CNTN1: variants seen among roughly 807,000 people sequenced by gnomAD.
CNTN1 encodes contactin 1.
In CNTN1, 38 loss-of-function variants were observed where a neutral mutation model predicts 126.4. The ratio of observed to expected loss-of-function variants is 0.30; its 90% CI spans 0.23 to 0.39. CNTN1 has a LOEUF of 0.39. Ranked by LOEUF, CNTN1 falls within the 10% of genes least tolerant of loss-of-function variation. The probability of loss-of-function intolerance (pLI) is 1.00; values close to 1 mark genes in which losing one functional copy is unlikely to be tolerated. For synonymous variants in CNTN1, 413 were observed against 422.6 expected, an observed-to-expected ratio of 0.98 and a Z score of 0.28; for missense variants, 1,009 against 1,248.4, an observed-to-expected ratio of 0.81 and a Z score of 2.89.
At chr12:41,014,162 C>A in intron 17 of CNTN1, 66 bp from the exon 18 acceptor site, 2 of 1,471,758 alleles carry the variant, frequency 1.4e-6, no homozygotes, top group Non-Finnish European at 1.9e-6. Context: ...AGAATTCTAA[C>A]ACCAGGAAAA....
Position 40,733,810 on chromosome 12 carries a change from T to C in CNTN1, c.-77+41218T>C, listed in dbSNP as rs906747880. ...GTCTCTGAAAGAGTACAGTCTTCAA[T>C]TGATCCTCACGTTTGTCAAGAACAC... On this transcript the variant is annotated intron_variant, in intron 1 of 23. Transcript: ENST00000551295. 8.5e-5 allele frequency among the ~76,000 whole-genome samples: 13 copies of C among 152,224 alleles called. 1 individual carries two copies. The highest frequency in any genetic ancestry group is 2.2e-4 in the African/African-American group (9 of 41,568).
intron 1 of CNTN1, among the ~76,000 whole-genome samples, chr12:40,714,957 T>C (rs1388382556): frequency 2.0e-5 from 3 of 152,256 alleles, no homozygotes; most frequent in East Asian, 1.9e-4. Context: ...CTGCAGTGGA[T>C]TGAAAAATTC....
intron 1 of CNTN1, among the ~76,000 whole-genome samples, chr12:40,737,799 A>C (rs1937762582): frequency 6.6e-6 from 1 of 152,006 alleles, no homozygotes; most frequent in Non-Finnish European, 1.5e-5. Context: ...TACTACCAAA[A>C]TCTGACAAAT....
At chr12:40,708,316 T>C (rs1478806119) in intron 1 of CNTN1, among the ~76,000 whole-genome samples, 2 of 152,260 alleles carry the variant, frequency 1.3e-5, no homozygotes, top group Admixed American at 1.3e-4. Flanking sequence ...ATTTCAATGC[T>C]TATAAAAGTG....
At chr12:40,888,403 C>G (rs138547220) in intron 1 of CNTN1, among the ~76,000 whole-genome samples, 1 of 151,778 alleles carries the variant, frequency 6.6e-6, no homozygotes, top group African/African-American at 2.4e-5. Flanking sequence ...TAAAATATGT[C>G]GAAAATAAAA....
intron 16 of CNTN1, among the ~76,000 whole-genome samples, chr12:40,989,804 G>C (rs1948056555): frequency 6.6e-6 from 1 of 152,056 alleles, no homozygotes; most frequent in Non-Finnish European, 1.5e-5. Context: ...ACAAATGATA[G>C]CTAGGAACAA....
chr12:40,941,819 T>C (rs550751660), intron 12 of CNTN1, among the ~76,000 whole-genome samples: 13 of 152,072 alleles, frequency 8.5e-5, no homozygotes, highest in Non-Finnish European at 1.8e-4. Context: ...ATCTATATCA[T>C]AGTATCTGGA....
chr12:40,820,817 G>A (rs1369636037), intron 1 of CNTN1, among the ~76,000 whole-genome samples: 1 of 152,156 alleles, frequency 6.6e-6, no homozygotes, highest in Non-Finnish European at 1.5e-5. Context: ...GATATCTCAG[G>A]TGTGCCATTC....
chr12:40,809,131 C>T (rs766909253), intron 1 of CNTN1, among the ~76,000 whole-genome samples: 4 of 152,082 alleles, frequency 2.6e-5, no homozygotes, highest in African/African-American at 9.7e-5. Context: ...TAAAGTAACA[C>T]TTTGTTCAGA....
intron 1 of CNTN1, among the ~76,000 whole-genome samples, chr12:40,728,526 C>T (rs1307308459): frequency 6.6e-6 from 1 of 152,102 alleles, no homozygotes; most frequent in African/African-American, 2.4e-5. Context: ...CTAGACCCTA[C>T]TTGTAAGGAC....
intron 1 of CNTN1, among the ~76,000 whole-genome samples, chr12:40,830,768 G>A (rs979457978): frequency 1.6e-5 from 2 of 128,074 alleles, no homozygotes; most frequent in African/African-American, 5.7e-5. Flanking sequence ...TATATATATT[G>A]AGAGAGAGGG....
At chr12:40,803,718 A>G (rs1014760947) in intron 1 of CNTN1, among the ~76,000 whole-genome samples, 6 of 151,898 alleles carry the variant, frequency 4.0e-5, no homozygotes, top group Admixed American at 6.6e-5. Flanking sequence ...AAGTTACAAG[A>G]GTAGATGAGA....
chr12:40,753,313 C>T (rs112923682), intron 1 of CNTN1, among the ~76,000 whole-genome samples: 5 of 152,062 alleles, frequency 3.3e-5, no homozygotes, highest in African/African-American at 1.2e-4. Context: ...ATTACAATGA[C>T]CTATAACTCC....
intron 1 of CNTN1, among the ~76,000 whole-genome samples, chr12:40,850,476 C>T (rs1268573685): frequency 1.3e-5 from 2 of 151,844 alleles, no homozygotes; most frequent in Non-Finnish European, 2.9e-5. Context: ...AGCTCTATTC[C>T]TTTATATGTT....
intron 16 of CNTN1, among the ~76,000 whole-genome samples, chr12:40,990,992 A>G (rs887519741): frequency 2.0e-5 from 3 of 152,162 alleles, no homozygotes; most frequent in African/African-American, 7.2e-5. Context: ...TAAACTCACA[A>G]ATAGCTCCAT....
intron 1 of CNTN1, among the ~76,000 whole-genome samples, chr12:40,857,110 G>A (rs1455249963): frequency 6.6e-6 from 1 of 152,116 alleles, no homozygotes; most frequent in East Asian, 1.9e-4. Flanking sequence ...CAAAAACTTT[G>A]AAGACCACTG....
intron 1 of CNTN1, among the ~76,000 whole-genome samples, chr12:40,778,371 T>C (rs1032582838): frequency 2.6e-5 from 4 of 151,866 alleles, no homozygotes; most frequent in African/African-American, 4.8e-5. Flanking sequence ...TCTAGGCTGC[T>C]TTCCTGATAC....
At chr12:40,831,784 G>A (rs1254233346) in intron 1 of CNTN1, among the ~76,000 whole-genome samples, 1 of 152,036 alleles carries the variant, frequency 6.6e-6, no homozygotes, top group Non-Finnish European at 1.5e-5. Flanking sequence ...GGTTTTGCTA[G>A]GTACTCTGGT....
At chr12:40,801,239 C>T (rs1396726900) in intron 1 of CNTN1, among the ~76,000 whole-genome samples, 2 of 151,922 alleles carry the variant, frequency 1.3e-5, no homozygotes, top group African/African-American at 4.8e-5. Flanking sequence ...GATCATCTGA[C>T]ATTAGCGATA....
Sources: allele counts gnomAD v4.1 joint callset (sites outside exome capture counted in the v4.1 genomes callset), GRCh38; gene constraint gnomAD v4.1.1; transcripts MANE v1.5; gene names NCBI Gene and HGNC (gene_info 2026-07-23, HGNC 2026-07-21).